GCNT2: variants seen among roughly 807,000 people sequenced by gnomAD.
GCNT2 encodes glucosaminyl (N-acetyl) transferase 2 (I blood group).
Under a neutral mutation model 34.2 loss-of-function variants are expected in GCNT2, and 34 were observed. That is an observed-to-expected ratio of 1.00 (90% CI 0.76 to 1.32). The LOEUF (loss-of-function observed/expected upper bound fraction) is 1.32, where lower values mean the gene tolerates loss of function less well. Ranked by LOEUF, GCNT2 falls within the 40% of genes most tolerant of loss-of-function variation. The pLI is 0.00. For synonymous variants in GCNT2, 212 were observed against 188.0 expected (o/e 1.13, Z -1.04); for missense variants, 584 against 489.4 (o/e 1.19, Z -1.82).
intron 3 of GCNT2, among the ~76,000 whole-genome samples, chr6:10,536,997 C>T (rs937794519): frequency 1.3e-5 from 2 of 152,108 alleles, no homozygotes; most frequent in Non-Finnish European, 2.9e-5. Context: ...AACTCCTGAC[C>T]TGGTGGTCTG....
chr6:10,562,589 C>T (rs1422181540), intron 3 of GCNT2, among the ~76,000 whole-genome samples: 4 of 144,196 alleles, frequency 2.8e-5, no homozygotes, highest in Admixed American at 1.4e-4. Context: ...TGGTGGTGTG[C>T]GCCTGTACTT....
rs1762750057 is a variant in GCNT2, at chr6:10,557,077, GC to G, written c.925+27246del. ...GTAAAAATATCACCCCAGGGGTGCT[GC>G]CCCCAGCTCATGCAATTGGACGGAC... is the stretch of plus-strand genomic sequence containing the variant. On this transcript the variant is annotated intron_variant, in intron 3 of 4. Transcript: ENST00000495262. The G allele has an allele frequency of 2.5e-6, 4 of 1,595,008 alleles. No homozygotes were observed. The South Asian group carries it at 4.6e-5, about 18-fold the overall frequency.
At chr6:10,556,053 A>G (rs1762684987) in intron 3 of GCNT2, 3 of 1,149,228 alleles carry the variant, frequency 2.6e-6, no homozygotes, top group Non-Finnish European at 2.2e-6. Context: ...CGGGGGTGGC[A>G]TGGGAAATGA....
At chr6:10,586,372 T>A in intron 3 of GCNT2, 1 of 1,614,148 alleles carries the variant, frequency 6.2e-7, no homozygotes, top group Non-Finnish European at 8.5e-7. Context: ...TGTGTTCACG[T>A]GGATGAGAAA....
chr6:10,609,675 C>G (rs1004644636), intron 3 of GCNT2, among the ~76,000 whole-genome samples: 2 of 152,160 alleles, frequency 1.3e-5, no homozygotes, highest in Non-Finnish European at 2.9e-5. Flanking sequence ...TTCTGAGGAG[C>G]TGGCTGGGGC....
chr6:10,573,008 A>G lies in GCNT2; in HGVS notation c.925+43172A>G, dbSNP rs182582851. On this transcript the variant is annotated intron_variant, in intron 3 of 4. Coordinates refer to ENST00000495262, the MANE Select transcript of GCNT2 (RefSeq NM_145649.5). Reference sequence around the variant, plus strand: ...CCGGCTCTGTGGGAAAGGAGCTAGTATAAGAGTGGATTGAATAAACTGAAA... The same window carrying G: ...CCGGCTCTGTGGGAAAGGAGCTAGTGTAAGAGTGGATTGAATAAACTGAAA... The G allele has an allele frequency of 2.7e-3, 483 of 178,338 alleles. 1 individual carries two copies. Among genetic ancestry groups the G allele is most frequent in the Admixed American group, 4.9e-3 (75 of 15,344 alleles). 11.0% of individuals were successfully genotyped at this position (178,338 alleles called of 1,614,324 possible).
At chr6:10,542,800 A>G (rs1762092682) in intron 3 of GCNT2, among the ~76,000 whole-genome samples, 1 of 150,366 alleles carries the variant, frequency 6.7e-6, no homozygotes. Flanking sequence ...GAATGTTGCT[A>G]TGAACATTCC....
At chr6:10,522,877 A>G (rs879589568) in intron 1 of GCNT2, among the ~76,000 whole-genome samples, 1 of 152,180 alleles carries the variant, frequency 6.6e-6, no homozygotes, top group Non-Finnish European at 1.5e-5. Flanking sequence ...CATTTATAGA[A>G]TACACTCAAT....
chr6:10,608,044 G>C (rs1765398040), intron 3 of GCNT2, among the ~76,000 whole-genome samples: 1 of 149,700 alleles, frequency 6.7e-6, no homozygotes, highest in Non-Finnish European at 1.5e-5. Flanking sequence ...GATTCCAATA[G>C]ATTGAAATGC....
Position 10,627,732 on chromosome 6 carries a change from A to G in GCNT2, c.*1125A>G, listed in dbSNP as rs1766325283. ...TCTAAAAATCTTGGCAATAATGTCA[A>G]CACCAGAAAGCCTCCTCTGGAGAAT... is the stretch of plus-strand genomic sequence containing the variant. On this transcript the variant is annotated 3_prime_UTR_variant, in exon 5 of 5. Transcript: ENST00000495262. 3 of 152,236 alleles carry G rather than the reference A, an allele frequency of 2.0e-5. No individual in the cohort carries two copies. Among genetic ancestry groups the G allele is most frequent in the Admixed American group, 2.0e-4 (3 of 15,282 alleles). The allele number at this position is 152,236 out of a possible 1,614,324, so 9.4% of individuals were successfully genotyped here. A position where few individuals can be genotyped will look rare whatever the true frequency, so the allele number is the denominator to read the frequency against.
At chr6:10,612,252 G>C (rs1365658468) in intron 3 of GCNT2, among the ~76,000 whole-genome samples, 2 of 152,164 alleles carry the variant, frequency 1.3e-5, no homozygotes, top group East Asian at 3.9e-4. Context: ...CTCCCAGAGT[G>C]CTGAGATTAC....
At chr6:10,610,301 T>C (rs1765493615) in intron 3 of GCNT2, among the ~76,000 whole-genome samples, 1 of 152,184 alleles carries the variant, frequency 6.6e-6, no homozygotes, top group East Asian at 1.9e-4. Flanking sequence ...TTTTGAAGTA[T>C]GGCAGGGTTT....
intron 3 of GCNT2, among the ~76,000 whole-genome samples, chr6:10,568,167 A>G (rs1309854937): frequency 6.6e-6 from 1 of 151,988 alleles, no homozygotes; most frequent in African/African-American, 2.4e-5. Context: ...CTCAGTACTG[A>G]CCATTCACTT....
chr6:10,533,798 C>A (rs1761617101), intron 3 of GCNT2, among the ~76,000 whole-genome samples: 2 of 59,750 alleles, frequency 3.3e-5, no homozygotes, highest in African/African-American at 7.2e-5. Context: ...AAGACTCTGT[C>A]TCAAAAAAAA....
At chr6:10,614,559 G>C (rs1246469823) in intron 3 of GCNT2, among the ~76,000 whole-genome samples, 1 of 150,858 alleles carries the variant, frequency 6.6e-6, no homozygotes, top group Non-Finnish European at 1.5e-5. Context: ...CTGGGAAGCG[G>C]AGGTTGCAGT....
intron 3 of GCNT2, among the ~76,000 whole-genome samples, chr6:10,545,442 G>A (rs1315434717): frequency 6.6e-6 from 1 of 152,090 alleles, no homozygotes; most frequent in African/African-American, 2.4e-5. Flanking sequence ...TCCTGAGCTT[G>A]ACAAACTTAG....
chr6:10,621,487 TTAGCAGGAAGG>T, intron 4 of GCNT2, 44 bp downstream of exon 4: 1 of 1,246,068 alleles, frequency 8.0e-7, no homozygotes, highest in South Asian at 1.2e-5. Flanking sequence ...CCTGTTGGTG[TTAGCAGGAAGG>T]TAGCTGTGGA....
At chr6:10,558,393 G>A (rs770249520) in intron 3 of GCNT2, among the ~76,000 whole-genome samples, 1 of 152,156 alleles carries the variant, frequency 6.6e-6, no homozygotes, top group Admixed American at 6.5e-5. Context: ...ACTCATGCAT[G>A]TACCATATTA....
chr6:10,593,528 G>A (rs970359030), intron 3 of GCNT2, among the ~76,000 whole-genome samples: 6 of 152,028 alleles, frequency 3.9e-5, no homozygotes, highest in African/African-American at 1.4e-4. Flanking sequence ...TGTAGAGATG[G>A]GATCTCGATA....
Sources: gnomAD v4.1 joint callset for allele counts (sites outside exome capture counted in the v4.1 genomes callset) on GRCh38, gnomAD v4.1.1 for gene constraint, MANE v1.5 for transcripts, NCBI Gene and HGNC (gene_info 2026-07-23, HGNC 2026-07-21) for gene names.